ABTB2: variants seen among roughly 807,000 people sequenced by gnomAD.
ABTB2 encodes ankyrin repeat and BTB/POZ domain-containing protein 2.
Under a neutral mutation model 104.1 loss-of-function variants are expected in ABTB2, and 56 were observed. The observed-to-expected ratio is 0.54, with a 90% CI of 0.43 to 0.67. ABTB2 has a LOEUF of 0.67. ABTB2 is among the 30% of genes least tolerant of loss of function. ABTB2 has a pLI of 0.00. For missense variants in ABTB2, 1,279 were observed against 1,407.7 expected, an observed-to-expected ratio of 0.91 and a Z score of 1.46; for synonymous variants, 606 against 608.2, an observed-to-expected ratio of 1.00 and a Z score of 0.05.
chr11:34,334,037 C>G (rs913518859), intron 1 of ABTB2, among the ~76,000 whole-genome samples: 6 of 146,364 alleles, frequency 4.1e-5, no homozygotes, highest in African/African-American at 7.5e-5. Flanking sequence ...AAAAAAGCCA[C>G]AGGCAAAAGT....
At chr11:34,192,962 C>T (rs546197583) in intron 3 of ABTB2, among the ~76,000 whole-genome samples, 31 of 152,322 alleles carry the variant, frequency 2.0e-4, no homozygotes, top group Admixed American at 5.2e-4. Context: ...TACGTGTCTG[C>T]GTAGTCTTTA....
chr11:34,188,977 GA>G (rs1393788379), intron 3 of ABTB2, among the ~76,000 whole-genome samples: 1 of 152,180 alleles, frequency 6.6e-6, no homozygotes, highest in Non-Finnish European at 1.5e-5. Flanking sequence ...CCTTATGCAG[GA>G]GGAAACGGAG....
chr11:34,300,097 T>C (rs961976637), intron 1 of ABTB2, among the ~76,000 whole-genome samples: 11 of 152,198 alleles, frequency 7.2e-5, no homozygotes, highest in Non-Finnish European at 1.3e-4. Flanking sequence ...TTCTCTTTTA[T>C]GGCTCTTAAG....
rs1040487473 is a variant in ABTB2 at position 34,335,324 on chromosome 11, T to C, written c.883+21377A>G. ...TCCAAAAAAATGCCAAACCAGATGA[T>C]GGGTCAGTAAAGTCAGCCCAATATC... On this transcript the variant is annotated intron_variant, in intron 1 of 16. Coordinates refer to ENST00000435224, the MANE Select transcript of ABTB2 (RefSeq NM_145804.3). The C allele has an allele frequency of 1.4e-5, 15 of 1,064,172 alleles. No individual in the cohort carries two copies. In the African/African-American group the frequency reaches 2.1e-4, roughly 15 times the overall value. 65.9% of individuals were successfully genotyped at this position (1,064,172 alleles called of 1,614,324 possible). A position where few individuals can be genotyped will look rare whatever the true frequency, so the allele number is the denominator to read the frequency against.
At chr11:34,186,053 G>T (rs149760877) in intron 3 of ABTB2, among the ~76,000 whole-genome samples, 1 of 152,252 alleles carries the variant, frequency 6.6e-6, no homozygotes, top group African/African-American at 2.4e-5. Context: ...GCCCTGGTGG[G>T]TGGAAAGCTG....
At chr11:34,159,480 A>C (rs1852677366) in intron 13 of ABTB2, 94 bp from the exon 14 acceptor site, 1 of 802,186 alleles carries the variant, frequency 1.2e-6, no homozygotes, top group Non-Finnish European at 2.1e-6. Flanking sequence ...CGGCTACCAC[A>C]AGACGGAACA....
At chr11:34,174,039 A>G (rs1335219143) in intron 3 of ABTB2, among the ~76,000 whole-genome samples, 1 of 152,158 alleles carries the variant, frequency 6.6e-6, no homozygotes, top group Admixed American at 6.5e-5. Context: ...TGCTCAGAAA[A>G]GAGTAGTGGC....
In ABTB2 at chr11:34,252,508, C is replaced by T. The variant is rs1854068641; in HGVS notation, c.884-47818G>A. Among the ~76,000 whole-genome samples, 2 of 152,086 alleles carry T rather than the reference C, an allele frequency of 1.3e-5. No individual in the cohort carries two copies. The highest frequency in any genetic ancestry group is 1.3e-4 in the Admixed American group (2 of 15,272). ...TGACCCTAAGAGAAAGACTAGATTC[C>T]TAACCTGTGCTAGGGCATCTCCTGT... is the stretch of plus-strand genomic sequence containing the variant. On this transcript the variant is annotated intron_variant, in intron 1 of 16. Transcript: ENST00000435224. The surrounding 1 kb of genome is among the most constrained non-coding windows in gnomAD (Gnocchi z 5.5).
chr11:34,206,986 G>C (rs1382717737), intron 1 of ABTB2, among the ~76,000 whole-genome samples: 1 of 152,238 alleles, frequency 6.6e-6, no homozygotes, highest in Non-Finnish European at 1.5e-5. Flanking sequence ...AGGAGGAAGA[G>C]TTCATGATTG....
Position 34,252,478 on chromosome 11 carries a change from G to A in ABTB2, c.884-47788C>T, listed in dbSNP as rs1354858392. On this transcript the variant is annotated intron_variant, in intron 1 of 16. Coordinates refer to ENST00000435224, the MANE Select transcript of ABTB2 (RefSeq NM_145804.3). This position sits in a 1 kb window ranked among gnomAD's most constrained non-coding sequence, Gnocchi z 5.5. Reference sequence around the variant, plus strand: ...ACATCATGACCTCCCCACCACCGCTGGGCATGACCCTAAGAGAAAGACTAG... The same window carrying A: ...ACATCATGACCTCCCCACCACCGCTAGGCATGACCCTAAGAGAAAGACTAG... Among the ~76,000 whole-genome samples the A allele has an allele frequency of 6.6e-6, 1 of 152,128 alleles. No homozygotes were observed. Among genetic ancestry groups the A allele is most frequent in the African/African-American group, 2.4e-5 (1 of 41,426 alleles).
At chr11:34,174,324 CAAAAAA>C (rs545699866) in intron 3 of ABTB2, among the ~76,000 whole-genome samples, 10 of 114,918 alleles carry the variant, frequency 8.7e-5, no homozygotes, top group African/African-American at 3.0e-4. Context: ...GACTCCGTCT[CAAAAAA>C]AAAAAAAAAA....
chr11:34,246,526 A>G (rs1319850184), intron 1 of ABTB2, among the ~76,000 whole-genome samples: 4 of 138,092 alleles, frequency 2.9e-5, no homozygotes, highest in African/African-American at 2.8e-5. Flanking sequence ...GCTTGAACCC[A>G]GGAGGTGGAG....
At chr11:34,239,702 A>G (rs1348939748) in intron 1 of ABTB2, among the ~76,000 whole-genome samples, 2 of 152,154 alleles carry the variant, frequency 1.3e-5, no homozygotes, top group African/African-American at 4.8e-5. Flanking sequence ...AGACTGCAAG[A>G]CAGGCCTTTC....
intron 1 of ABTB2, among the ~76,000 whole-genome samples, chr11:34,246,601 C>CA (rs60681759): frequency 0.043 from 1,477 of 34,752 alleles, 408 homozygotes; most frequent in African/African-American, 0.17. Context: ...AACTCCATCT[C>CA]AAAAAAAAAA....
At chr11:34,285,615 G>A (rs1000488702) in intron 1 of ABTB2, among the ~76,000 whole-genome samples, 3 of 152,142 alleles carry the variant, frequency 2.0e-5, no homozygotes, top group Admixed American at 6.5e-5. Context: ...TGGGAACACA[G>A]GGGCCTGCTG....
intron 1 of ABTB2, among the ~76,000 whole-genome samples, chr11:34,294,178 A>T (rs1854594706): frequency 6.6e-6 from 1 of 152,120 alleles, no homozygotes; most frequent in Admixed American, 6.5e-5. Flanking sequence ...CAAAAAATTT[A>T]AAAAGTTAGC....
chr11:34,332,373 G>A (rs1339355697), intron 1 of ABTB2, among the ~76,000 whole-genome samples: 2 of 152,164 alleles, frequency 1.3e-5, no homozygotes, highest in African/African-American at 2.4e-5. Flanking sequence ...GGCTACGCTA[G>A]TAATCATTCA....
chr11:34,349,473 A>G (rs1855373453), intron 1 of ABTB2, among the ~76,000 whole-genome samples: 1 of 152,154 alleles, frequency 6.6e-6, no homozygotes, highest in African/African-American at 2.4e-5. Flanking sequence ...AGTAATACCC[A>G]TCTCCCTGAG....
intron 1 of ABTB2, among the ~76,000 whole-genome samples, chr11:34,273,292 G>T (rs1025378174): frequency 6.6e-6 from 1 of 152,078 alleles, no homozygotes; most frequent in African/African-American, 2.4e-5. Flanking sequence ...TACTTTTGTT[G>T]CTTTGTTTTG....
Sources: allele counts gnomAD v4.1 joint callset (sites outside exome capture counted in the v4.1 genomes callset), GRCh38; gene constraint gnomAD v4.1.1; non-coding constraint Gnocchi (gnomAD v3.1); transcripts MANE v1.5; gene names NCBI Gene and HGNC (gene_info 2026-07-23, HGNC 2026-07-21).